TRPM3: variants seen among roughly 807,000 people sequenced by gnomAD.
TRPM3 encodes the protein long transient receptor potential channel 3.
Under a neutral mutation model 181.2 loss-of-function variants are expected in TRPM3, and 77 were observed. The ratio of observed to expected loss-of-function variants is 0.42; its 90% confidence interval spans 0.35 to 0.51. The LOEUF is 0.51. Among genes scored for constraint, TRPM3 ranks in the 20% least tolerant of loss-of-function variants. The pLI is 0.01. For synonymous variants in TRPM3, 745 were observed against 796.4 expected (o/e 0.94, Z 1.09); for missense variants, 1,759 against 2,196.7 (o/e 0.80, Z 3.98).
chr9:71,196,873 T>TTTATG (rs2078406389), intron 1 of TRPM3, among the ~76,000 whole-genome samples: 1 of 151,854 alleles, frequency 6.6e-6, no homozygotes, highest in Non-Finnish European at 1.5e-5. Context: ...TTCTTTTTAT[T>TTTATG]TTATTATTAT....
chr9:70,967,473 TC>T (rs1050001655), intron 1 of TRPM3, among the ~76,000 whole-genome samples: 12 of 152,220 alleles, frequency 7.9e-5, no homozygotes, highest in African/African-American at 2.9e-4. Context: ...CATTTTCTGA[TC>T]CAAAGAAATT....
chr9:71,288,796 T>C (rs954405346), intron 1 of TRPM3, among the ~76,000 whole-genome samples: 1 of 151,930 alleles, frequency 6.6e-6, no homozygotes, highest in Non-Finnish European at 1.5e-5. Flanking sequence ...GCCCAACAGA[T>C]AGGCAGTCAG....
At chr9:71,353,108 G>C (rs2091732373) in intron 1 of TRPM3, among the ~76,000 whole-genome samples, 1 of 151,972 alleles carries the variant, frequency 6.6e-6, no homozygotes. Context: ...TGCTCTCTCT[G>C]CTTGAAATAA....
intron 22 of TRPM3, among the ~76,000 whole-genome samples, chr9:70,584,988 T>A (rs1366243206): frequency 6.6e-6 from 1 of 152,182 alleles, no homozygotes; most frequent in African/African-American, 2.4e-5. Context: ...CTGTGATATG[T>A]ACCAAGTCAG....
At chr9:70,839,110 A>G (rs1477229030) in intron 5 of TRPM3, among the ~76,000 whole-genome samples, 1 of 152,172 alleles carries the variant, frequency 6.6e-6, no homozygotes, top group Non-Finnish European at 1.5e-5. Flanking sequence ...CAATCATGTG[A>G]TGCAGCTTGG....
At chr9:71,322,395 C>A (rs1407297382) in intron 1 of TRPM3, among the ~76,000 whole-genome samples, 3 of 152,048 alleles carry the variant, frequency 2.0e-5, no homozygotes, top group Non-Finnish European at 4.4e-5. Context: ...CATAAGATTG[C>A]AAGAAATTCT....
At chr9:71,169,021 G>A (rs1398637859) in intron 1 of TRPM3, among the ~76,000 whole-genome samples, 2 of 152,118 alleles carry the variant, frequency 1.3e-5, no homozygotes, top group Non-Finnish European at 2.9e-5. Context: ...CACAGATGAA[G>A]GGCAGGTTGT....
At chr9:71,436,064 C>T (rs1459191739) in intron 1 of TRPM3, among the ~76,000 whole-genome samples, 1 of 152,108 alleles carries the variant, frequency 6.6e-6, no homozygotes, top group Non-Finnish European at 1.5e-5. Context: ...ATAATTGAAT[C>T]ATGGGGGTCA....
chr9:71,067,839 C>T (rs1480020643), intron 1 of TRPM3, among the ~76,000 whole-genome samples: 3 of 152,142 alleles, frequency 2.0e-5, no homozygotes, highest in Non-Finnish European at 2.9e-5. Context: ...CATGTTTTGG[C>T]CCTGTCTCTG....
At chr9:70,816,776 T>C (rs1445445955) in intron 6 of TRPM3, among the ~76,000 whole-genome samples, 1 of 152,240 alleles carries the variant, frequency 6.6e-6, no homozygotes, top group Non-Finnish European at 1.5e-5. Flanking sequence ...GTGCTGCATA[T>C]GCGATTATTA....
At chr9:71,332,291 T>C (rs1411351694) in intron 1 of TRPM3, among the ~76,000 whole-genome samples, 1 of 151,748 alleles carries the variant, frequency 6.6e-6, no homozygotes, top group East Asian at 1.9e-4. Context: ...TGACTAGAAA[T>C]AATGCTTTTT....
intron 1 of TRPM3, among the ~76,000 whole-genome samples, chr9:71,190,944 T>G (rs903115074): frequency 1.3e-5 from 2 of 151,846 alleles, no homozygotes; most frequent in Non-Finnish European, 2.9e-5. Flanking sequence ...TCACTAGACA[T>G]AAGCTTCAAT....
intron 1 of TRPM3, among the ~76,000 whole-genome samples, chr9:71,231,424 C>A (rs1198449927): frequency 6.6e-6 from 1 of 152,110 alleles, no homozygotes; most frequent in African/African-American, 2.4e-5. Context: ...CTTCTTGAAG[C>A]TAGAACATGA....
At chr9:71,420,179 T>C (rs2093704150) in intron 1 of TRPM3, among the ~76,000 whole-genome samples, 1 of 151,896 alleles carries the variant, frequency 6.6e-6, no homozygotes, top group South Asian at 2.1e-4. Flanking sequence ...TGAGATATCA[T>C]GAGGTGCATG....
chr9:71,402,631 TA>T (rs1291845521), intron 1 of TRPM3, among the ~76,000 whole-genome samples: 2 of 152,122 alleles, frequency 1.3e-5, no homozygotes, highest in Admixed American at 6.6e-5. Flanking sequence ...TTCTAAGAAA[TA>T]AAAAAACTGT....
Position 70,619,046 on chromosome 9 carries a change from C to T in TRPM3, c.2179G>A (p.Asp727Asn). Residue 727 changes from aspartate (D) to asparagine (N), a missense_variant, in exon 17 of 26, where the codon GAC becomes AAC. Physicochemically the swap from Asp to Asn is conservative, Grantham distance 23. Coordinates refer to ENST00000677713, the MANE Select transcript of TRPM3 (RefSeq NM_001366145.2). Reference protein sequence around the residue: ...VELLDQSYKQDEQLAMKLLTY... With the variant: ...VELLDQSYKQNEQLAMKLLTY... ...AGCAGTTTCATGGCCAGCTGTTCGT[C>T]CTGCTTGTAGGACTGGTCCAGGAGC... 1 of 1,614,188 alleles carries T rather than the reference C, an allele frequency of 6.2e-7. No homozygotes were observed. Among genetic ancestry groups the T allele is most frequent in the Non-Finnish European group, 8.5e-7 (1 of 1,180,018 alleles).
chr9:71,080,672 A>G (rs1023642188), intron 1 of TRPM3, among the ~76,000 whole-genome samples: 6 of 152,096 alleles, frequency 3.9e-5, no homozygotes, highest in Non-Finnish European at 8.8e-5. Context: ...CCTCTCCCCA[A>G]GTCTCTCCTT....
intron 1 of TRPM3, among the ~76,000 whole-genome samples, chr9:71,076,441 T>C (rs1161468510): frequency 6.6e-6 from 1 of 152,184 alleles, no homozygotes; most frequent in Non-Finnish European, 1.5e-5. Context: ...TGGACAGTTC[T>C]TGGCAGCAGC....
intron 22 of TRPM3, among the ~76,000 whole-genome samples, chr9:70,573,594 C>T (rs999872129): frequency 6.6e-6 from 1 of 151,624 alleles, no homozygotes; most frequent in African/African-American, 2.4e-5. Flanking sequence ...CAAGCAAAAA[C>T]AATCAGGGAG....
Sources: gnomAD v4.1 joint callset for allele counts (sites outside exome capture counted in the v4.1 genomes callset) on GRCh38, gnomAD v4.1.1 for gene constraint, MANE v1.5 for transcripts, NCBI Gene and HGNC (gene_info 2026-07-23, HGNC 2026-07-21) for gene names.